The following RSRC1 variants were observed in gnomAD, a reference collection of about 807,000 sequenced individuals.
RSRC1 encodes serine/Arginine-related protein 53.
RSRC1 carries 39 observed loss-of-function variants against 49.1 expected under a neutral mutation model. The ratio of observed to expected loss-of-function variants is 0.79; its 90% CI spans 0.61 to 1.04. RSRC1 has a LOEUF of 1.04. RSRC1 is among the 50% of genes least tolerant of loss of function. RSRC1 has a pLI of 0.00. For synonymous variants in RSRC1, 143 were observed against 130.8 expected (o/e 1.09, Z -0.63); for missense variants, 388 against 402.4 (o/e 0.96, Z 0.31).
chr3:158,276,392 T>G (rs1183968826), intron 4 of RSRC1: 8 of 777,488 alleles, frequency 1.0e-5, no homozygotes, highest in Non-Finnish European at 2.3e-6. Flanking sequence ...GCTTTCTCCA[T>G]AGCTCCTGGA....
intron 6 of RSRC1, among the ~76,000 whole-genome samples, chr3:158,451,275 G>A (rs1737012045): frequency 6.6e-6 from 1 of 151,942 alleles, no homozygotes; most frequent in South Asian, 2.1e-4. Context: ...AAGTACTGAT[G>A]TTTGCTACCA....
intron 4 of RSRC1, among the ~76,000 whole-genome samples, chr3:158,272,135 G>A (rs1017834583): frequency 6.6e-6 from 1 of 151,990 alleles, no homozygotes; most frequent in Non-Finnish European, 1.5e-5. Flanking sequence ...AGCAAGTACC[G>A]GCAGATAAAT....
intron 4 of RSRC1, among the ~76,000 whole-genome samples, chr3:158,254,961 G>C (rs1171656058): frequency 6.6e-6 from 1 of 152,052 alleles, no homozygotes; most frequent in African/African-American, 2.4e-5. Context: ...GTAGATTCTG[G>C]ATATTAGCCC....
chr3:158,170,508 G>A (rs1037400444), intron 3 of RSRC1, among the ~76,000 whole-genome samples: 3 of 152,100 alleles, frequency 2.0e-5, no homozygotes, highest in African/African-American at 7.2e-5. Flanking sequence ...AAAAATGCTG[G>A]ACCGAATACT....
chr3:158,113,516 G>A (rs1035098682), intron 1 of RSRC1, among the ~76,000 whole-genome samples: 5 of 151,648 alleles, frequency 3.3e-5, no homozygotes, highest in Admixed American at 6.6e-5. Flanking sequence ...TTACAGGCAC[G>A]CTTCACCACG....
intron 4 of RSRC1, among the ~76,000 whole-genome samples, chr3:158,240,887 A>G (rs555283107): frequency 1.3e-5 from 2 of 152,318 alleles, no homozygotes; most frequent in African/African-American, 2.4e-5. Flanking sequence ...GGTGAATACA[A>G]TATACAATAC....
intron 7 of RSRC1, among the ~76,000 whole-genome samples, chr3:158,521,562 T>C (rs1711676541): frequency 3.3e-5 from 5 of 152,078 alleles, no homozygotes; most frequent in Admixed American, 3.3e-4. Flanking sequence ...ACCATATCTT[T>C]ACTCAAAAAA....
intron 3 of RSRC1, among the ~76,000 whole-genome samples, chr3:158,174,105 T>C (rs1335053535): frequency 6.6e-6 from 1 of 151,880 alleles, no homozygotes; most frequent in African/African-American, 2.4e-5. Flanking sequence ...GTATGTAAAA[T>C]ATATCTCAAC....
chr3:158,498,409 A>ATTGTT (rs764091043), intron 7 of RSRC1, among the ~76,000 whole-genome samples: 13 of 151,694 alleles, frequency 8.6e-5, no homozygotes, highest in African/African-American at 1.2e-4. Context: ...TTTTGATGGC[A>ATTGTT]TTGTTTTGTT....
At chr3:158,231,137 C>CTTTTTT (rs35368661) in intron 4 of RSRC1, among the ~76,000 whole-genome samples, 10 of 67,960 alleles carry the variant, frequency 1.5e-4, no homozygotes, top group Non-Finnish European at 1.8e-4. Flanking sequence ...TAGTCGTTAG[C>CTTTTTT]TTTTTTTTTT....
At chr3:158,284,351 A>G (rs1726374116) in intron 4 of RSRC1, among the ~76,000 whole-genome samples, 1 of 149,652 alleles carries the variant, frequency 6.7e-6, no homozygotes, top group South Asian at 2.1e-4. Context: ...CACAATAAAC[A>G]TATGTGTGCA....
intron 5 of RSRC1, among the ~76,000 whole-genome samples, chr3:158,299,422 C>G (rs1030626355): frequency 5.3e-5 from 8 of 152,036 alleles, no homozygotes; most frequent in Admixed American, 1.3e-4. Context: ...CAACCTCTGC[C>G]TCCCAGGTTC....
intron 6 of RSRC1, among the ~76,000 whole-genome samples, chr3:158,448,136 A>T (rs1736821864): frequency 6.6e-6 from 1 of 151,936 alleles, no homozygotes; most frequent in Non-Finnish European, 1.5e-5. Flanking sequence ...ACCGACTTCA[A>T]ATTGACATCA....
At chr3:158,165,674 A>G (rs535736985) in intron 3 of RSRC1, among the ~76,000 whole-genome samples, 1 of 152,354 alleles carries the variant, frequency 6.6e-6, no homozygotes, top group East Asian at 1.9e-4. Flanking sequence ...TTCATTAGCA[A>G]TTAGTAAAAT....
chr3:158,414,592 C>T (rs1209107627), intron 6 of RSRC1, among the ~76,000 whole-genome samples: 4 of 151,858 alleles, frequency 2.6e-5, no homozygotes, highest in Non-Finnish European at 4.4e-5. Flanking sequence ...CCTGGTGGCA[C>T]GCACCTGTAG....
At chr3:158,111,196 T>C (rs928798201) in intron 1 of RSRC1, among the ~76,000 whole-genome samples, 2 of 152,168 alleles carry the variant, frequency 1.3e-5, no homozygotes, top group Admixed American at 1.3e-4. Flanking sequence ...GTTGCAACCT[T>C]GGGGGAAACT....
chr3:158,241,998 A>ACATTTT (rs913262653), intron 4 of RSRC1, among the ~76,000 whole-genome samples: 2 of 141,082 alleles, frequency 1.4e-5, no homozygotes, highest in Non-Finnish European at 3.0e-5. Context: ...TCATTCACAG[A>ACATTTT]CATTTTCATT....
intron 4 of RSRC1, among the ~76,000 whole-genome samples, chr3:158,254,515 C>T (rs1193536): frequency 0.69 from 104,920 of 151,762 alleles, 36,677 homozygotes; most frequent in East Asian, 0.84. Flanking sequence ...CACTGCAAGC[C>T]CTGCCTCCTG....
rs980143123 is a variant in RSRC1 at position 158,132,229 on chromosome 3, C to T, written c.320+8238C>T. 3 of 381,906 alleles carry T rather than the reference C, an allele frequency of 7.9e-6. No individual in the cohort carries two copies. In the East Asian group the frequency reaches 2.2e-4, roughly 29 times the overall value. The allele number at this position is 381,906 out of a possible 1,614,324, so 23.7% of individuals were successfully genotyped here. A position where few individuals can be genotyped will look rare whatever the true frequency, so the allele number is the denominator to read the frequency against. ...TCAAATTCCTGAGCTCAAGCGATCCCCCTGCCTTGGCCTCACTAAGTGCAG... is the reference window on the plus strand; with the variant it reads ...TCAAATTCCTGAGCTCAAGCGATCCTCCTGCCTTGGCCTCACTAAGTGCAG... On this transcript the variant is annotated intron_variant, in intron 3 of 9. Transcript: ENST00000611884.
Sources: gnomAD v4.1 joint callset for allele counts (sites outside exome capture counted in the v4.1 genomes callset) on GRCh38, gnomAD v4.1.1 for gene constraint, MANE v1.5 for transcripts, NCBI Gene and HGNC (gene_info 2026-07-23, HGNC 2026-07-21) for gene names.